DMD: variants seen among roughly 807,000 people sequenced by gnomAD.
DMD encodes dystrophin, also known as mutant dystrophin.
Under a neutral mutation model 330.1 loss-of-function variants are expected in DMD, and 63 were observed. The ratio of observed to expected loss-of-function variants is 0.19; its 90% CI spans 0.16 to 0.24. DMD has a LOEUF of 0.24. DMD is among the 10% of genes least tolerant of loss of function. DMD has a pLI of 1.00. For synonymous variants in DMD, 1,223 were observed against 959.8 expected (o/e 1.27, Z -5.07); for missense variants, 3,344 against 2,684.1 (o/e 1.25, Z -5.43).
intron 53 of DMD, among the ~76,000 whole-genome samples, chrX:31,672,196 T>C (rs987767224): frequency 8.9e-6 from 1 of 112,166 alleles, no homozygotes; most frequent in African/African-American, 3.2e-5. Context: ...TTTCTCATAT[T>C]TATGAACTCC....
chrX:33,198,212 A>G (rs1292789536), intron 1 of DMD, among the ~76,000 whole-genome samples: 1 of 110,930 alleles, frequency 9.0e-6, no homozygotes, highest in East Asian at 2.8e-4. Context: ...TTTCTTTACC[A>G]TCTGTATATC....
Position 32,964,255 on chromosome X carries a change from C to CAAAAAAAAAAAAAAAAAA in DMD, c.93+55866_93+55883dup, listed in dbSNP as rs781702491. On this transcript the variant is annotated intron_variant, in intron 2 of 78. Coordinates refer to ENST00000357033, the MANE Select transcript of DMD (RefSeq NM_004006.3). ...CTGGTGACAGAGCAAGACTCCATCT[C>CAAAAAAAAAAAAAAAAAA]AAAAAAAAAAAAAAAAAAAATTCAC... Among the ~76,000 whole-genome samples, 192 of 35,158 alleles carry CAAAAAAAAAAAAAAAAAA rather than the reference C, an allele frequency of 5.5e-3. 17 individuals are homozygous for CAAAAAAAAAAAAAAAAAA. The highest frequency in any genetic ancestry group is 0.018 in the African/African-American group (161 of 8,765). The allele number at this position is 35,158 out of a possible 115,157, so 30.5% of individuals were successfully genotyped here.
chrX:32,973,757 TG>T (rs1228105071), intron 2 of DMD, among the ~76,000 whole-genome samples: 1 of 112,117 alleles, frequency 8.9e-6, no homozygotes, highest in Non-Finnish European at 1.9e-5. Flanking sequence ...TGTTTTAAAC[TG>T]CTAAGTATCA....
At chrX:31,255,769 C>CTTTT (rs146884145) in intron 63 of DMD, among the ~76,000 whole-genome samples, 35 of 50,808 alleles carry the variant, frequency 6.9e-4, no homozygotes, top group Non-Finnish European at 7.6e-4. Flanking sequence ...AATATCGTTA[C>CTTTT]TTTTTTTTTT....
intron 2 of DMD, among the ~76,000 whole-genome samples, chrX:32,864,289 A>G (rs2082311086): frequency 8.9e-6 from 1 of 111,752 alleles, no homozygotes; most frequent in South Asian, 3.7e-4. Flanking sequence ...AACTTGAATA[A>G]GGTCACACAG....
intron 6 of DMD, among the ~76,000 whole-genome samples, chrX:32,815,520 T>TATATATATATATATATAATATATACAC: frequency 2.5e-5 from 2 of 78,959 alleles, no homozygotes; most frequent in African/African-American, 1.1e-4. Flanking sequence ...TATATATATA[T>TATATATATATATATATAATATATACAC]ACACACACAC....
intron 44 of DMD, among the ~76,000 whole-genome samples, chrX:32,139,773 G>T (rs1481302065): frequency 2.7e-5 from 3 of 112,178 alleles, no homozygotes; most frequent in Non-Finnish European, 5.6e-5. Flanking sequence ...CTCCTTGTGA[G>T]TCTATGAATA....
chrX:31,327,463 T>G (rs1569526998), intron 61 of DMD, among the ~76,000 whole-genome samples: 1 of 111,911 alleles, frequency 8.9e-6, no homozygotes, highest in Non-Finnish European at 1.9e-5. Flanking sequence ...TGCACCCTGG[T>G]GTTAAGTCAT....
chrX:32,332,413 A>AGTGTGTGTGTGTGTGTGTGTGT (rs111973319), intron 41 of DMD, among the ~76,000 whole-genome samples: 38 of 95,348 alleles, frequency 4.0e-4, no homozygotes, highest in African/African-American at 6.7e-4. Flanking sequence ...ATGGATAAAA[A>AGTGTGTGTGTGTGTGTGTGTGT]GTGTGTGTGT....
At chrX:32,200,256 A>G (rs1357261607) in intron 44 of DMD, among the ~76,000 whole-genome samples, 4 of 111,489 alleles carry the variant, frequency 3.6e-5, no homozygotes, top group Non-Finnish European at 5.6e-5. Context: ...TATAATAAGC[A>G]TTATTTATTC....
At chrX:31,367,571 G>T (rs749698818) in intron 60 of DMD, among the ~76,000 whole-genome samples, 1 of 111,051 alleles carries the variant, frequency 9.0e-6, no homozygotes, top group Admixed American at 9.6e-5. Context: ...TGCTGATGTG[G>T]GGCTGATAAT....
intron 11 of DMD, among the ~76,000 whole-genome samples, chrX:32,624,479 C>T (rs766704959): frequency 2.9e-4 from 32 of 111,892 alleles, no homozygotes; most frequent in Non-Finnish European, 5.8e-4. Context: ...TGGTCTCTAG[C>T]GTCAACGACA....
At chrX:31,904,428 C>T (rs967224498) in intron 47 of DMD, among the ~76,000 whole-genome samples, 8 of 111,223 alleles carry the variant, frequency 7.2e-5, no homozygotes, top group African/African-American at 9.8e-5. Flanking sequence ...AGACTTTTGA[C>T]TTGCTTCTGA....
intron 1 of DMD, among the ~76,000 whole-genome samples, chrX:33,163,558 A>ATATATATATATATATATATG (rs2048884114): frequency 9.5e-6 from 1 of 105,004 alleles, no homozygotes; most frequent in African/African-American, 3.5e-5. Context: ...GTGTGTATAT[A>ATATATATATATATATATATG]TATATATATA....
intron 12 of DMD, among the ~76,000 whole-genome samples, chrX:32,603,824 A>C (rs973455785): frequency 9.0e-6 from 1 of 111,488 alleles, no homozygotes; most frequent in Non-Finnish European, 1.9e-5. Flanking sequence ...AATCTTGGAC[A>C]GACCAATAAC....
chrX:32,024,984 A>G (rs2095836972), intron 44 of DMD, among the ~76,000 whole-genome samples: 1 of 111,738 alleles, frequency 8.9e-6, no homozygotes, highest in African/African-American at 3.3e-5. Flanking sequence ...AGGGGATCCC[A>G]ATACTACAAT....
intron 44 of DMD, among the ~76,000 whole-genome samples, chrX:32,158,338 G>A (rs2096837528): frequency 9.0e-6 from 1 of 110,883 alleles, no homozygotes; most frequent in Non-Finnish European, 1.9e-5. Context: ...TTTGTGACCA[G>A]ACTCGGCAAA....
At chrX:33,008,853 C>CATAA (rs2093464073) in intron 2 of DMD, among the ~76,000 whole-genome samples, 1 of 93,184 alleles carries the variant, frequency 1.1e-5, no homozygotes, top group Non-Finnish European at 2.2e-5. Flanking sequence ...TATATGTATA[C>CATAA]GTGTATATAT....
chrX:33,216,432 C>T (rs1274578751), upstream of DMD, among the ~76,000 whole-genome samples: 2 of 110,824 alleles, frequency 1.8e-5, no homozygotes, highest in Non-Finnish European at 3.8e-5. Context: ...ACAAGAGATA[C>T]TGGGGACTAC....
Sources: allele counts gnomAD v4.1 joint callset (sites outside exome capture counted in the v4.1 genomes callset), GRCh38; gene constraint gnomAD v4.1.1; transcripts MANE v1.5; gene names NCBI Gene and HGNC (gene_info 2026-07-23, HGNC 2026-07-21).